MRPS25: variants seen among roughly 807,000 people sequenced by gnomAD.
MRPS25 encodes the protein mitochondrial ribosomal protein S25.
MRPS25 carries 15 observed loss-of-function variants against 17.3 expected under a neutral mutation model. The ratio of observed to expected loss-of-function variants is 0.87; its 90% CI spans 0.58 to 1.34. The LOEUF is 1.34. Ranked by LOEUF, MRPS25 falls within the 40% of genes most tolerant of loss-of-function variation. The probability of loss-of-function intolerance (pLI) is 0.00; values close to 1 mark genes in which losing one functional copy is unlikely to be tolerated. For missense variants in MRPS25, 225 were observed against 218.6 expected, an observed-to-expected ratio of 1.03 and a Z score of -0.19; for synonymous variants, 94 against 83.3, an observed-to-expected ratio of 1.13 and a Z score of -0.70.
rs1040554079 is a variant in MRPS25 at position 15,050,979 on chromosome 3, G to A, written c.*1462C>T. 6.1e-6 allele frequency: 6 copies of A among 985,240 alleles called. No homozygotes were observed. The highest frequency in any genetic ancestry group is 4.7e-5 in the South Asian group (1 of 21,290). The allele number at this position is 985,240 out of a possible 1,614,324, so 61.0% of individuals were successfully genotyped here. A position where few individuals can be genotyped will look rare whatever the true frequency, so the allele number is the denominator to read the frequency against. On this transcript the variant is annotated 3_prime_UTR_variant, in exon 4 of 4. Transcript: ENST00000253686. Reference sequence around the variant, plus strand: ...TTTCCCCATTTTACAGACAAAACCAGTTACAGACCTGGAAAGCTTTTAGGA... The same window carrying A: ...TTTCCCCATTTTACAGACAAAACCAATTACAGACCTGGAAAGCTTTTAGGA...
chr3:15,043,089 A>G, downstream of MRPS25: 1 of 1,341,648 alleles, frequency 7.5e-7, no homozygotes. Context: ...GTATTTTGGT[A>G]TGTGCAAATA....
In MRPS25 at chr3:15,059,381, G is replaced by A. The variant is rs925541858; in HGVS notation, c.229C>T (p.Arg77Ter). 15 of 1,611,754 alleles carry A rather than the reference G, an allele frequency of 9.3e-6. No homozygotes were observed. Among genetic ancestry groups the A allele is most frequent in the Non-Finnish European group, 1.2e-5 (14 of 1,178,154 alleles). ...GGGCCCCACTCACCTAAGTAGAATC[G>A]CAGGAAGGGTGACGGCGTCATGTTC... ...FKNMTPSPFL[R>*]FYLDSGEQVL... The change falls in exon 2 of 4, where the codon CGA becomes TGA. Residue 77 changes from arginine (R) to a stop codon, truncating the protein, a stop_gained. Coordinates refer to ENST00000253686, the MANE Select transcript of MRPS25 (RefSeq NM_022497.5). LOFTEE classifies it high-confidence loss of function.
Position 15,063,185 on chromosome 3 carries a change from G to T in MRPS25, c.134+1876C>A, listed in dbSNP as rs1232309367. Among the ~76,000 whole-genome samples, 7 of 152,184 alleles carry T rather than the reference G, an allele frequency of 4.6e-5. 1 individual carries two copies. Among genetic ancestry groups the T allele is most frequent in the Admixed American group, 4.6e-4 (7 of 15,272 alleles). On this transcript the variant is annotated intron_variant, in intron 1 of 3. Coordinates refer to ENST00000253686, the MANE Select transcript of MRPS25 (RefSeq NM_022497.5). ...TTACAATTTAAGGAAACTAAGGTCAGAAGTTAAGTAAACTGCCCCAGGTCT... is the reference window on the plus strand; with the variant it reads ...TTACAATTTAAGGAAACTAAGGTCATAAGTTAAGTAAACTGCCCCAGGTCT...
At chr3:15,048,126 A>ATGTT (rs1359260180), downstream of MRPS25, 1 of 152,666 alleles carries the variant, frequency 6.6e-6, no homozygotes, top group Admixed American at 6.5e-5. Context: ...AGTTATCAAA[A>ATGTT]TGTTTTAAAA....
chr3:15,051,192 ATT>A lies in MRPS25; in HGVS notation c.*1247_*1248del. On this transcript the variant is annotated 3_prime_UTR_variant, in exon 4 of 4. Transcript: ENST00000253686. ...CTTTATAATTAAACTTATTTAAAAA[ATT>A]TTTTTTCTTGAGACAGTCTTGCTCT... 2 of 983,332 alleles carry A rather than the reference ATT, an allele frequency of 2.0e-6. No individual in the cohort carries two copies. The highest frequency in any genetic ancestry group is 2.4e-6 in the Non-Finnish European group (2 of 828,324). 60.9% of individuals were successfully genotyped at this position (983,332 alleles called of 1,614,324 possible). A position where few individuals can be genotyped will look rare whatever the true frequency, so the allele number is the denominator to read the frequency against.
chr3:15,063,007 C>G (rs1259419274), intron 1 of MRPS25, among the ~76,000 whole-genome samples: 8 of 148,548 alleles, frequency 5.4e-5, no homozygotes, highest in Non-Finnish European at 1.2e-4. Context: ...ATGACCCTGC[C>G]AAATCCCCCT....
Position 15,051,082 on chromosome 3 carries a change from C to A in MRPS25, c.*1359G>T. 1.0e-6 allele frequency: 1 copy of A among 985,308 alleles called. No homozygotes were observed. Among genetic ancestry groups the A allele is most frequent in the Non-Finnish European group, 1.2e-6 (1 of 829,816 alleles). 61.0% of individuals were successfully genotyped at this position (985,308 alleles called of 1,614,324 possible). ...CAAGCACCACTGTCCTTTTTTAATT[C>A]TTTTAACCACTGCCTTCCTGTCTCA... On this transcript the variant is annotated 3_prime_UTR_variant, in exon 4 of 4. Transcript: ENST00000253686.
Position 15,050,612 on chromosome 3 carries a change from A to G in MRPS25, c.*1829T>C. 1 of 985,458 alleles carries G rather than the reference A, an allele frequency of 1.0e-6. No individual in the cohort carries two copies. Among genetic ancestry groups the G allele is most frequent in the Non-Finnish European group, 1.2e-6 (1 of 829,962 alleles). The allele number at this position is 985,458 out of a possible 1,614,324, so 61.0% of individuals were successfully genotyped here. A position where few individuals can be genotyped will look rare whatever the true frequency, so the allele number is the denominator to read the frequency against. ...AGTTGGGTGGGGAACTGAAACCAGCAGACATGGGAGGGCTCTCTGTGGAGG... is the reference window on the plus strand; with the variant it reads ...AGTTGGGTGGGGAACTGAAACCAGCGGACATGGGAGGGCTCTCTGTGGAGG... On this transcript the variant is annotated 3_prime_UTR_variant, in exon 4 of 4. Transcript: ENST00000253686.
intron 3 of MRPS25, 57 bp downstream of exon 3, chr3:15,053,323 C>G: frequency 6.2e-7 from 1 of 1,612,264 alleles, no homozygotes; most frequent in South Asian, 1.1e-5. Context: ...CCCCTTTCTT[C>G]CTCAAATTCT....
At chr3:15,047,585 G>A (rs1380715285), downstream of MRPS25, 1 of 152,250 alleles carries the variant, frequency 6.6e-6, no homozygotes, top group African/African-American at 2.4e-5. Flanking sequence ...TGTCAGTGAG[G>A]CCTGACTCCC....
intron 1 of MRPS25, among the ~76,000 whole-genome samples, chr3:15,063,206 G>A (rs2042803893): frequency 6.6e-6 from 1 of 152,174 alleles, no homozygotes; most frequent in Admixed American, 6.5e-5. Context: ...AACTGCCCCA[G>A]GTCTAACTGG....
downstream of MRPS25, chr3:15,048,282 G>A (rs2042526624): frequency 6.6e-6 from 1 of 152,604 alleles, no homozygotes; most frequent in Non-Finnish European, 1.5e-5. Flanking sequence ...GTCATAGCCT[G>A]TCGTGACAAT....
chr3:15,065,058 G>T lies in MRPS25; in HGVS notation c.134+3C>A. Reference sequence around the variant, plus strand: ...TCGCCAGGCGGCCGGGGCTGCGACTGACCTGGCGCCCTCGCCCAGCTCCCC... The same window carrying T: ...TCGCCAGGCGGCCGGGGCTGCGACTTACCTGGCGCCCTCGCCCAGCTCCCC... On this transcript the variant is annotated splice_donor_region_variant and intron_variant, in intron 1 of 3. Transcript: ENST00000253686. The T allele has an allele frequency of 6.3e-7, 1 of 1,579,170 alleles. No homozygotes were observed. The highest frequency in any genetic ancestry group is 1.2e-5 in the South Asian group (1 of 86,814).
chr3:15,049,844 T>C lies in MRPS25; in HGVS notation c.*2597A>G. ...GTCATGGCTCACTCCAGCCTCAACC[T>C]CCTGGGCTCAAGTGATCCTCCTGCC... is the stretch of plus-strand genomic sequence containing the variant. On this transcript the variant is annotated 3_prime_UTR_variant, in exon 4 of 4. Transcript: ENST00000253686. The C allele has an allele frequency of 1.5e-6, 2 of 1,295,260 alleles. No individual in the cohort carries two copies. Among genetic ancestry groups the C allele is most frequent in the Non-Finnish European group, 1.1e-6 (1 of 930,422 alleles). The allele number at this position is 1,295,260 out of a possible 1,614,324, so 80.2% of individuals were successfully genotyped here. A position where few individuals can be genotyped will look rare whatever the true frequency, so the allele number is the denominator to read the frequency against.
chr3:15,046,404 T>A (rs574517841), downstream of MRPS25: 12 of 152,214 alleles, frequency 7.9e-5, no homozygotes, highest in Non-Finnish European at 4.4e-5. Flanking sequence ...CACATACTTA[T>A]TAGCTGTCTT....
intron 1 of MRPS25, 76 bp from the exon 2 acceptor site, chr3:15,059,551 G>C: frequency 1.0e-6 from 1 of 970,392 alleles, no homozygotes; most frequent in South Asian, 1.4e-5. Context: ...TTTTTCTAGG[G>C]AGAAAGCCCA....
At chr3:15,045,720 C>G (rs970901110), downstream of MRPS25, 1 of 152,792 alleles carries the variant, frequency 6.5e-6, no homozygotes, top group South Asian at 2.1e-4. Context: ...AATATTTGGG[C>G]TCCAACTTTC....
At position 15,051,480 on chromosome 3, in the gene MRPS25, G is replaced by A. The variant is rs927958481; in HGVS notation, c.*961C>T. The stretch of plus-strand genomic sequence containing the variant: ...TTACAGGCATGAGCCACCACACCCA[G>A]CCTAGCTAAACCTATTCTTAAGGTG... On this transcript the variant is annotated 3_prime_UTR_variant, in exon 4 of 4. Transcript: ENST00000253686. 2.1e-5 allele frequency: 21 copies of A among 985,140 alleles called. No individual in the cohort carries two copies. The African/African-American group carries it at 2.4e-4, about 11-fold the overall frequency. The allele number at this position is 985,140 out of a possible 1,614,324, so 61.0% of individuals were successfully genotyped here.
At chr3:15,062,569 G>T (rs866126092) in intron 1 of MRPS25, among the ~76,000 whole-genome samples, 1 of 151,914 alleles carries the variant, frequency 6.6e-6, no homozygotes, top group African/African-American at 2.4e-5. Context: ...TGGGAGGTGT[G>T]CCCAACAGCT....
Sources: allele counts gnomAD v4.1 joint callset (sites outside exome capture counted in the v4.1 genomes callset), GRCh38; gene constraint gnomAD v4.1.1; transcripts MANE v1.5; gene names NCBI Gene and HGNC (gene_info 2026-07-23, HGNC 2026-07-21).